The following RAB38 variants were observed in gnomAD, a reference collection of about 807,000 sequenced individuals.
The protein encoded by RAB38 is ras-related protein Rab-38.
RAB38 carries 15 observed loss-of-function variants against 18.4 expected under a neutral mutation model. That is an observed-to-expected ratio of 0.82 (90% CI 0.55 to 1.26). The LOEUF (loss-of-function observed/expected upper bound fraction) is 1.26, where lower values mean the gene tolerates loss of function less well. Ranked by LOEUF, RAB38 falls within the 50% of genes most tolerant of loss-of-function variation. RAB38 has a pLI of 0.00. For synonymous variants in RAB38, 101 were observed against 104.4 expected (o/e 0.97, Z 0.20); for missense variants, 294 against 267.4 (o/e 1.10, Z -0.69).
chr11:87,806,716 G>C, the RAB38 span, among the ~76,000 whole-genome samples: 3 of 152,138 alleles, frequency 2.0e-5, no homozygotes, highest in South Asian at 2.1e-4. Flanking sequence ...CAGTGGCAGA[G>C]TAAGGTAAAA....
intron 2 of RAB38, among the ~76,000 whole-genome samples, chr11:88,143,452 G>A (rs1942942124): frequency 6.6e-6 from 1 of 152,166 alleles, no homozygotes; most frequent in Non-Finnish European, 1.5e-5. Flanking sequence ...GTAAACCAAT[G>A]AGCACAGCTG....
At chr11:88,143,797 C>T (rs1942947582) in intron 2 of RAB38, among the ~76,000 whole-genome samples, 1 of 152,182 alleles carries the variant, frequency 6.6e-6, no homozygotes, top group Non-Finnish European at 1.5e-5. Flanking sequence ...ACAAACTGAA[C>T]TATGGTTATA....
At chr11:88,017,608 A>C in the RAB38 span, among the ~76,000 whole-genome samples, 1,483 of 150,646 alleles carry the variant, frequency 9.8e-3, 13 homozygotes, top group Non-Finnish European at 0.016. Context: ...CTCCCTTGAA[A>C]TCTGCATTTG....
chr11:88,130,569 T>C (rs1240455930), intron 2 of RAB38, among the ~76,000 whole-genome samples: 1 of 152,254 alleles, frequency 6.6e-6, no homozygotes, highest in African/African-American at 2.4e-5. Flanking sequence ...GATTTCAGAC[T>C]GAGCAATCAG....
chr11:87,976,973 TTATAAAATATAATTACATTATACAA>T, the RAB38 span, among the ~76,000 whole-genome samples: 2 of 47,408 alleles, frequency 4.2e-5, no homozygotes, highest in African/African-American at 8.8e-5. Context: ...TACAAGTATA[TTATAAAATATAATTACATTATACAA>T]GTATATTATA....
At chr11:87,918,389 T>A in the RAB38 span, among the ~76,000 whole-genome samples, 1 of 152,164 alleles carries the variant, frequency 6.6e-6, no homozygotes, top group African/African-American at 2.4e-5. Flanking sequence ...TTTCAAATTA[T>A]TTGGATTTAT....
chr11:88,012,359 C>T, the RAB38 span, among the ~76,000 whole-genome samples: 1 of 152,100 alleles, frequency 6.6e-6, no homozygotes, highest in Non-Finnish European at 1.5e-5. Context: ...GGAAAAGACA[C>T]CACACTGGAA....
the RAB38 span, among the ~76,000 whole-genome samples, chr11:88,070,327 G>A: frequency 4.6e-5 from 7 of 152,126 alleles, no homozygotes; most frequent in African/African-American, 1.2e-4. Flanking sequence ...GCGAGACCAC[G>A]AACCCACCAG....
At chr11:87,912,618 T>C in the RAB38 span, among the ~76,000 whole-genome samples, 1 of 151,858 alleles carries the variant, frequency 6.6e-6, no homozygotes, top group Admixed American at 6.6e-5. Context: ...TCCTGCTAGA[T>C]GTTTGTCAGA....
At chr11:87,949,309 T>TATCA in the RAB38 span, among the ~76,000 whole-genome samples, 84 of 152,348 alleles carry the variant, frequency 5.5e-4, no homozygotes, top group Non-Finnish European at 1.9e-4. Flanking sequence ...GCTAGCAGTC[T>TATCA]ATCAGTTTTG....
chr11:88,027,025 C>A, the RAB38 span, among the ~76,000 whole-genome samples: 1 of 152,092 alleles, frequency 6.6e-6, no homozygotes, highest in African/African-American at 2.4e-5. Flanking sequence ...TAAATTGACA[C>A]TGAGTTTGCT....
chr11:88,122,936 T>A (rs555692627), intron 2 of RAB38, among the ~76,000 whole-genome samples: 158 of 152,354 alleles, frequency 1.0e-3, no homozygotes, highest in African/African-American at 3.6e-3. Context: ...TTTTGCCACT[T>A]ACTGTTAAAC....
the RAB38 span, among the ~76,000 whole-genome samples, chr11:87,877,792 T>C: frequency 6.6e-6 from 1 of 151,666 alleles, no homozygotes; most frequent in African/African-American, 2.4e-5. Flanking sequence ...ATGGCTGAAA[T>C]TCTCATTTAA....
the RAB38 span, among the ~76,000 whole-genome samples, chr11:87,863,044 C>T: frequency 6.6e-6 from 1 of 151,912 alleles, no homozygotes; most frequent in African/African-American, 2.4e-5. Flanking sequence ...ATATACTTCT[C>T]TAGTGTCTTG....
At chr11:87,871,926 C>T in the RAB38 span, among the ~76,000 whole-genome samples, 11 of 151,448 alleles carry the variant, frequency 7.3e-5, no homozygotes, top group African/African-American at 9.7e-5. Flanking sequence ...TTGTTTCCAC[C>T]GTTGACTATT....
intron 1 of RAB38, among the ~76,000 whole-genome samples, chr11:88,172,814 C>T (rs1216722055): frequency 6.6e-6 from 1 of 152,192 alleles, no homozygotes; most frequent in African/African-American, 2.4e-5. Context: ...CCTACAGTGG[C>T]CTAGCTTTCA....
the RAB38 span, among the ~76,000 whole-genome samples, chr11:88,087,564 T>C: frequency 2.0e-5 from 3 of 151,926 alleles, no homozygotes; most frequent in Admixed American, 6.6e-5. Flanking sequence ...GGCTAATTCA[T>C]AGGCAATACG....
the RAB38 span, among the ~76,000 whole-genome samples, chr11:88,025,601 T>C: frequency 2.5e-4 from 38 of 152,310 alleles, no homozygotes; most frequent in Admixed American, 4.6e-4. Flanking sequence ...CATTGTGGTA[T>C]TGATTTGGAT....
At chr11:87,951,215 G>A in the RAB38 span, among the ~76,000 whole-genome samples, 2 of 151,960 alleles carry the variant, frequency 1.3e-5, no homozygotes, top group African/African-American at 4.8e-5. Context: ...CATAGCTCTC[G>A]TGCCTTGGTT....
Sources: gnomAD v4.1 joint callset for allele counts (sites outside exome capture counted in the v4.1 genomes callset) on GRCh38, gnomAD v4.1.1 for gene constraint, MANE v1.5 for transcripts, NCBI Gene and HGNC (gene_info 2026-07-23, HGNC 2026-07-21) for gene names.